PPP3CA: variants seen among roughly 807,000 people sequenced by gnomAD.
PPP3CA encodes the protein protein phosphatase 3 catalytic subunit alpha, also known as CAM-PRP catalytic subunit.
In PPP3CA, 14 loss-of-function variants were observed where a neutral mutation model predicts 66.5. The ratio of observed to expected loss-of-function variants is 0.21; its 90% CI spans 0.14 to 0.33. PPP3CA has a LOEUF of 0.33. PPP3CA is among the 10% of genes least tolerant of loss of function. The pLI is 1.00. For synonymous variants in PPP3CA, 232 were observed against 226.2 expected (o/e 1.03, Z -0.23); for missense variants, 317 against 639.5 (o/e 0.50, Z 5.44).
At chr4:101,051,884 A>G (rs1436103908) in intron 10 of PPP3CA, among the ~76,000 whole-genome samples, 1 of 152,136 alleles carries the variant, frequency 6.6e-6, no homozygotes, top group Non-Finnish European at 1.5e-5. Flanking sequence ...TAAAATATAT[A>G]TTATACATGC....
intron 1 of PPP3CA, among the ~76,000 whole-genome samples, 167 bp from the exon 2 acceptor site, chr4:101,196,283 A>T (rs1196426621): frequency 1.3e-5 from 2 of 152,204 alleles, no homozygotes; most frequent in African/African-American, 2.4e-5. Flanking sequence ...TAAGAACTGC[A>T]TCCTTCCTTT....
At chr4:101,204,538 A>C (rs377766669) in intron 1 of PPP3CA, among the ~76,000 whole-genome samples, 7 of 150,120 alleles carry the variant, frequency 4.7e-5, no homozygotes, top group African/African-American at 1.7e-4. Flanking sequence ...CTGGAGGCTG[A>C]GGCAGGAGAA....
At chr4:101,132,412 G>T (rs1722474039) in intron 2 of PPP3CA, among the ~76,000 whole-genome samples, 1 of 152,162 alleles carries the variant, frequency 6.6e-6, no homozygotes, top group African/African-American at 2.4e-5. Flanking sequence ...AAATGATAAA[G>T]GGGTGATCAC....
intron 2 of PPP3CA, among the ~76,000 whole-genome samples, chr4:101,134,278 G>T (rs1430716249): frequency 6.6e-6 from 1 of 152,078 alleles, no homozygotes; most frequent in Non-Finnish European, 1.5e-5. Flanking sequence ...CAGAGCAAAA[G>T]AAACTATCAT....
chr4:101,193,977 T>C (rs1324275249), intron 2 of PPP3CA, among the ~76,000 whole-genome samples: 1 of 152,192 alleles, frequency 6.6e-6, no homozygotes, highest in East Asian at 1.9e-4. Context: ...TGGTAGTGGC[T>C]TTTTAATTAT....
chr4:101,065,342 C>T (rs933030577), intron 8 of PPP3CA, among the ~76,000 whole-genome samples: 1 of 152,068 alleles, frequency 6.6e-6, no homozygotes, highest in Non-Finnish European at 1.5e-5. Flanking sequence ...CTCATATCTT[C>T]AGATGAATCT....
At chr4:101,203,917 T>C (rs1725046334) in intron 1 of PPP3CA, among the ~76,000 whole-genome samples, 1 of 152,230 alleles carries the variant, frequency 6.6e-6, no homozygotes, top group South Asian at 2.1e-4. Context: ...ATTTTAATGG[T>C]TTCAAAATAT....
At chr4:101,083,586 G>A (rs1385634431) in intron 6 of PPP3CA, among the ~76,000 whole-genome samples, 1 of 152,146 alleles carries the variant, frequency 6.6e-6, no homozygotes, top group African/African-American at 2.4e-5. Context: ...AGTGAACGGA[G>A]CATAACTATA....
chr4:101,156,924 T>C (rs911785098), intron 2 of PPP3CA, among the ~76,000 whole-genome samples: 1 of 152,184 alleles, frequency 6.6e-6, no homozygotes, highest in African/African-American at 2.4e-5. Context: ...AGCAGAGTTT[T>C]AAAAATGAAT....
At chr4:101,313,260 G>A (rs1030055990) in intron 1 of PPP3CA, among the ~76,000 whole-genome samples, 1 of 151,974 alleles carries the variant, frequency 6.6e-6, no homozygotes, top group Non-Finnish European at 1.5e-5. Context: ...CTCCTGTCCT[G>A]AAACAATTCT....
chr4:101,339,882 A>G (rs1053924549), intron 1 of PPP3CA, among the ~76,000 whole-genome samples: 1 of 152,234 alleles, frequency 6.6e-6, no homozygotes, highest in African/African-American at 2.4e-5. Context: ...AAACATTCTG[A>G]TATTACATAG....
chr4:101,173,458 G>GCC (rs1397507531), intron 2 of PPP3CA, among the ~76,000 whole-genome samples: 1 of 151,816 alleles, frequency 6.6e-6, no homozygotes, highest in Non-Finnish European at 1.5e-5. Flanking sequence ...ATTATATCCA[G>GCC]CCCTAGCAAT....
intron 1 of PPP3CA, among the ~76,000 whole-genome samples, chr4:101,309,818 T>C (rs959489705): frequency 6.6e-6 from 1 of 152,238 alleles, no homozygotes; most frequent in Non-Finnish European, 1.5e-5. Flanking sequence ...TTCTATAGGA[T>C]ATTCTTATAC....
At chr4:101,334,908 G>C (rs184603205) in intron 1 of PPP3CA, among the ~76,000 whole-genome samples, 1 of 152,010 alleles carries the variant, frequency 6.6e-6, no homozygotes, top group Admixed American at 6.5e-5. Context: ...AATGTTCAGG[G>C]AAATACACAC....
chr4:101,304,395 G>T (rs1001723576), intron 1 of PPP3CA, among the ~76,000 whole-genome samples: 1 of 151,968 alleles, frequency 6.6e-6, no homozygotes, highest in Non-Finnish European at 1.5e-5. Context: ...CCTGTTTCTG[G>T]GTTTTGCCTA....
At chr4:101,259,687 T>G (rs1263384791) in intron 1 of PPP3CA, among the ~76,000 whole-genome samples, 2 of 152,130 alleles carry the variant, frequency 1.3e-5, no homozygotes, top group Admixed American at 6.6e-5. Flanking sequence ...ATTTACAAAT[T>G]CTGAAAGTTG....
intron 6 of PPP3CA, among the ~76,000 whole-genome samples, chr4:101,089,252 G>T (rs1327783292): frequency 6.7e-6 from 1 of 149,192 alleles, no homozygotes; most frequent in African/African-American, 2.5e-5. Flanking sequence ...GCAGAAGAAA[G>T]ACAAAAAAAA....
At chr4:101,119,691 C>A (rs2110272014) in intron 2 of PPP3CA, among the ~76,000 whole-genome samples, 1 of 152,078 alleles carries the variant, frequency 6.6e-6, no homozygotes, top group East Asian at 1.9e-4. Context: ...TTAAGGCAAG[C>A]AAGGAATGAC....
chr4:101,262,686 T>C (rs564669167), intron 1 of PPP3CA, among the ~76,000 whole-genome samples: 1 of 152,268 alleles, frequency 6.6e-6, no homozygotes, highest in South Asian at 2.1e-4. Context: ...CTGACTCTCA[T>C]GGTTTTGTTC....
Sources: gnomAD v4.1 joint callset for allele counts (sites outside exome capture counted in the v4.1 genomes callset) on GRCh38, gnomAD v4.1.1 for gene constraint, MANE v1.5 for transcripts, NCBI Gene and HGNC (gene_info 2026-07-23, HGNC 2026-07-21) for gene names.